The following KLHL22 variants were observed in gnomAD, a reference collection of about 807,000 sequenced individuals.
KLHL22 encodes kelch like family member 22.
KLHL22 carries 18 observed loss-of-function variants against 60.7 expected under a neutral mutation model. The ratio of observed to expected loss-of-function variants is 0.30; its 90% CI spans 0.20 to 0.44. The LOEUF (loss-of-function observed/expected upper bound fraction) is 0.44, where lower values mean the gene tolerates loss of function less well. Among genes scored for constraint, KLHL22 ranks in the 20% least tolerant of loss-of-function variants. The pLI is 1.00. For synonymous variants in KLHL22, 355 were observed against 354.5 expected (o/e 1.00, Z -0.01); for missense variants, 596 against 852.3 (o/e 0.70, Z 3.74).
chr22:20,471,642 C>T (rs757511046), intron 2 of KLHL22, 127 bp from the exon 3 acceptor site: 14 of 914,654 alleles, frequency 1.5e-5, no homozygotes, highest in Non-Finnish European at 2.4e-5. Flanking sequence ...GGCTGACCCA[C>T]TCTGTGCTCT....
intron 4 of KLHL22, among the ~76,000 whole-genome samples, chr22:20,464,163 T>C (rs1197859311): frequency 1.3e-5 from 2 of 152,192 alleles, no homozygotes; most frequent in East Asian, 3.8e-4. Flanking sequence ...ACAGCCTAAG[T>C]GACTGATGGA....
chr22:20,481,272 T>C (rs2146267941), intron 2 of KLHL22: 1 of 152,180 alleles, frequency 6.6e-6, no homozygotes. Flanking sequence ...GTCTAAAAAA[T>C]AATAATAGAT....
chr22:20,457,980 C>T lies in KLHL22; in HGVS notation c.1133G>A (p.Arg378His), dbSNP rs150371588. The change falls in exon 5 of 7, where the codon CGC becomes CAC. Residue 378 changes from arginine (R) to histidine (H), a missense_variant. By Grantham distance (29) the Arg-to-His change is conservative (BLOSUM62 0). Transcript: ENST00000328879. The part of the protein sequence containing the change: ...RCWRYDPRHN[R>H]WFQIQSLQQE... ...CTGCAGGGACTGGATCTGGAACCAG[C>T]GGTTGTGCCGTGGGTCATACCTGTG... 4 of 1,613,978 alleles carry T rather than the reference C, an allele frequency of 2.5e-6. No individual in the cohort carries two copies. The highest frequency in any genetic ancestry group is 2.2e-5 in the East Asian group (1 of 44,904).
intron 2 of KLHL22, chr22:20,483,130 C>G: frequency 1.6e-6 from 1 of 634,412 alleles, no homozygotes. Flanking sequence ...AGGCCTCCAC[C>G]TCCCTGAGGC....
At chr22:20,470,893 CAAAT>C (rs999185241) in intron 3 of KLHL22, among the ~76,000 whole-genome samples, 3 of 151,934 alleles carry the variant, frequency 2.0e-5, no homozygotes, top group Admixed American at 6.6e-5. Context: ...GATGGACAGA[CAAAT>C]AGATAGATAA....
chr22:20,471,215 G>A, intron 3 of KLHL22, 135 bp downstream of exon 3: 2 of 784,484 alleles, frequency 2.5e-6, no homozygotes, highest in Non-Finnish European at 2.0e-6. Flanking sequence ...CCACTTCATG[G>A]CCTTCGTCAC....
intron 2 of KLHL22, chr22:20,483,101 T>C: frequency 1.5e-6 from 1 of 650,312 alleles, no homozygotes; most frequent in Admixed American, 2.2e-5. Flanking sequence ...ATTGAGCTGC[T>C]CCATCTACAG....
At chr22:20,451,798 G>A (rs1259891473) in intron 5 of KLHL22, 5 of 1,602,560 alleles carry the variant, frequency 3.1e-6, no homozygotes, top group African/African-American at 1.3e-5. Context: ...CTGTGATGCT[G>A]GTGTGTGTGT....
At chr22:20,460,382 G>C (rs1347277177) in intron 4 of KLHL22, among the ~76,000 whole-genome samples, 2 of 152,106 alleles carry the variant, frequency 1.3e-5, no homozygotes, top group Non-Finnish European at 2.9e-5. Flanking sequence ...GCTGAGGCGG[G>C]TGGATCACGA....
chr22:20,462,434 A>C (rs1247386743), intron 4 of KLHL22, among the ~76,000 whole-genome samples: 2 of 151,984 alleles, frequency 1.3e-5, no homozygotes, highest in African/African-American at 4.8e-5. Context: ...AGTTCACCGA[A>C]GTCTAAAACT....
rs140407380 is a variant in KLHL22, at chr22:20,457,907, G to A, written c.1206C>T (p.Tyr402=). Residue 402 remains tyrosine (Y), a synonymous_variant, in exon 5 of 7, where the codon TAC becomes TAT. Transcript: ENST00000328879. ...LSVCVVGRYI[Y]AVAGRDYHND... ...TGTGGTAGTCACGGCCCGCCACAGC[G>A]TAGATGTACCTGCCTACAACACACA... The A allele has an allele frequency of 2.0e-5, 33 of 1,613,968 alleles. No homozygotes were observed. Among genetic ancestry groups the A allele is most frequent in the African/African-American group, 5.3e-5 (4 of 75,038 alleles).
intron 4 of KLHL22, among the ~76,000 whole-genome samples, chr22:20,460,918 T>C (rs1050541423): frequency 6.6e-6 from 1 of 152,126 alleles, no homozygotes; most frequent in Non-Finnish European, 1.5e-5. Context: ...ATTGTGATGG[T>C]AGTGGGAGGC....
At chr22:20,460,203 C>G (rs1371315122) in intron 4 of KLHL22, among the ~76,000 whole-genome samples, 1 of 152,228 alleles carries the variant, frequency 6.6e-6, no homozygotes, top group East Asian at 1.9e-4. Flanking sequence ...CCCCAAGTGT[C>G]TGCAACCAGA....
At chr22:20,444,976 G>A (rs1417843391) in intron 6 of KLHL22, among the ~76,000 whole-genome samples, 2 of 151,814 alleles carry the variant, frequency 1.3e-5, no homozygotes, top group African/African-American at 4.8e-5. Flanking sequence ...AGTAGAGATG[G>A]AGTTTCACCA....
Position 20,488,975 on chromosome 22 carries a change from G to A in KLHL22, c.227+10C>T. The stretch of plus-strand genomic sequence containing the variant: ...GTTATTCTTCTTACAAACAGCTCTA[G>A]TGAACTCACCTGAAGTAATCGCAGG... On this transcript the variant is annotated intron_variant, in intron 2 of 6. Transcript: ENST00000328879. 6.2e-7 allele frequency: 1 copy of A among 1,612,694 alleles called. No homozygotes were observed. The highest frequency in any genetic ancestry group is 1.1e-5 in the South Asian group (1 of 90,998).
At chr22:20,472,545 G>T (rs187259546) in intron 2 of KLHL22, among the ~76,000 whole-genome samples, 2 of 152,170 alleles carry the variant, frequency 1.3e-5, no homozygotes, top group Non-Finnish European at 2.9e-5. Context: ...GGCCAACATG[G>T]TGAAACCCCG....
chr22:20,450,137 G>C, intron 5 of KLHL22: 1 of 790,432 alleles, frequency 1.3e-6, no homozygotes, highest in Admixed American at 1.7e-5. Flanking sequence ...AGGCATTATG[G>C]CCCCCAAAGA....
intron 5 of KLHL22, chr22:20,451,813 C>A: frequency 6.2e-7 from 1 of 1,604,396 alleles, no homozygotes; most frequent in Non-Finnish European, 8.5e-7. Flanking sequence ...GTGTGTTCTC[C>A]ACAAGAAGTG....
rs760901875 is a variant in KLHL22, at chr22:20,442,294, A to C, written c.1684T>G (p.Tyr562Asp). The change falls in exon 7 of 7, where the codon TAC becomes GAC. Residue 562 changes from tyrosine to aspartate, a missense_variant. Coordinates refer to ENST00000328879, the MANE Select transcript of KLHL22 (RefSeq NM_032775.4). The part of the protein sequence containing the change: ...RSHNRGSRTG[Y>D]VHIYDVEKDC... Reference sequence around the variant, plus strand: ...TTCTCCACATCGTAAATGTGCACGTAGCCTGTGCGGCTGCCGCGGTTGTGT... The same window carrying C: ...TTCTCCACATCGTAAATGTGCACGTCGCCTGTGCGGCTGCCGCGGTTGTGT... 6.2e-7 allele frequency: 1 copy of C among 1,613,976 alleles called. No individual in the cohort carries two copies. Among genetic ancestry groups the C allele is most frequent in the East Asian group, 2.2e-5 (1 of 44,878 alleles).
Sources: allele counts gnomAD v4.1 joint callset (sites outside exome capture counted in the v4.1 genomes callset), GRCh38; gene constraint gnomAD v4.1.1; transcripts MANE v1.5; gene names NCBI Gene and HGNC (gene_info 2026-07-23, HGNC 2026-07-21).